Variants in FLI1 observed in about 807,000 individuals in gnomAD.
FLI1 encodes Friend leukemia integration 1 transcription factor.
A neutral mutation model predicts 53.1 loss-of-function variants in FLI1; 13 were observed. The observed-to-expected ratio is 0.24, with a 90% CI of 0.16 to 0.39. The LOEUF is 0.39. Ranked by LOEUF, FLI1 falls within the 10% of genes least tolerant of loss-of-function variation. The probability of loss-of-function intolerance (pLI) is 1.00; values close to 1 mark genes in which losing one functional copy is unlikely to be tolerated. For missense variants in FLI1, 424 were observed against 600.5 expected (o/e 0.71, Z 3.07); for synonymous variants, 244 against 236.7 (o/e 1.03, Z -0.28).
chr11:128,783,229 C>T (rs1941977929), intron 5 of FLI1, among the ~76,000 whole-genome samples: 1 of 152,186 alleles, frequency 6.6e-6, no homozygotes, highest in South Asian at 2.1e-4. Flanking sequence ...AAGGGAAGGA[C>T]CATTTGGCTT....
chr11:128,753,880 A>G lies in FLI1; in HGVS notation c.19-4235A>G, dbSNP rs533359612. Among the ~76,000 whole-genome samples, 10 of 151,906 alleles carry G rather than the reference A, an allele frequency of 6.6e-5. No homozygotes were observed. In the South Asian group the frequency reaches 2.1e-3, roughly 32 times the overall value. ...AGTGGCATCATAAAAATGACAGTGT[A>G]CTTGCCAAGGGCATGGTCTTGGGGT... is the stretch of plus-strand genomic sequence containing the variant. On this transcript the variant is annotated intron_variant, in intron 1 of 8. Coordinates refer to ENST00000527786, the MANE Select transcript of FLI1 (RefSeq NM_002017.5).
chr11:128,791,221 G>C (rs750669856), intron 5 of FLI1, among the ~76,000 whole-genome samples: 2 of 152,112 alleles, frequency 1.3e-5, no homozygotes, highest in Non-Finnish European at 2.9e-5. Context: ...TGCCCATTTA[G>C]GTTCTGACCC....
chr11:128,791,394 C>T (rs1458856711), intron 5 of FLI1, among the ~76,000 whole-genome samples: 2 of 152,146 alleles, frequency 1.3e-5, no homozygotes, highest in Non-Finnish European at 2.9e-5. Flanking sequence ...CCTTTAGGGC[C>T]GTGGTCAGAT....
intron 5 of FLI1, among the ~76,000 whole-genome samples, chr11:128,800,754 A>G (rs1351563279): frequency 1.3e-5 from 2 of 152,218 alleles, no homozygotes; most frequent in East Asian, 1.9e-4. Flanking sequence ...AGGACATCAT[A>G]TATGTGAGGC....
At chr11:128,734,224 G>C (rs953769386) in intron 1 of FLI1, among the ~76,000 whole-genome samples, 1 of 152,226 alleles carries the variant, frequency 6.6e-6, no homozygotes, top group Non-Finnish European at 1.5e-5. Flanking sequence ...ATATTAAACA[G>C]CCCTGCTTTG....
chr11:128,805,783 C>T (rs1032048003), intron 6 of FLI1: 2 of 205,378 alleles, frequency 9.7e-6, no homozygotes, highest in African/African-American at 4.7e-5. Flanking sequence ...GCTCCCGTAA[C>T]TGTTGAGGCT....
intron 1 of FLI1, among the ~76,000 whole-genome samples, chr11:128,714,063 A>G (rs940885706): frequency 7.9e-5 from 12 of 152,330 alleles, no homozygotes; most frequent in Admixed American, 2.0e-4. Context: ...TAGAGTACAT[A>G]TCTATAGGTT....
chr11:128,750,674 C>T (rs777443283), intron 1 of FLI1, among the ~76,000 whole-genome samples: 8 of 152,148 alleles, frequency 5.3e-5, no homozygotes, highest in African/African-American at 1.2e-4. Context: ...TCGTTCATAT[C>T]GGCCAGGCCA....
At chr11:128,703,232 T>G (rs1352043100) in intron 1 of FLI1, among the ~76,000 whole-genome samples, 1 of 152,240 alleles carries the variant, frequency 6.6e-6, no homozygotes, top group Non-Finnish European at 1.5e-5. Flanking sequence ...ATCCTCTTGG[T>G]AGGAGTATGA....
chr11:128,789,645 C>T (rs57966965), intron 5 of FLI1, among the ~76,000 whole-genome samples: 3,518 of 152,260 alleles, frequency 0.023, 51 homozygotes, highest in Middle Eastern at 0.068. Context: ...CAGGCTGATG[C>T]GCTCCCGGGT....
chr11:128,747,025 G>A (rs1427601139), intron 1 of FLI1, among the ~76,000 whole-genome samples: 2 of 152,184 alleles, frequency 1.3e-5, no homozygotes, highest in Non-Finnish European at 2.9e-5. Context: ...TCTGCAGGAA[G>A]AGGCTGCTCC....
chr11:128,739,522 C>T (rs1181502301), intron 1 of FLI1, among the ~76,000 whole-genome samples: 1 of 152,080 alleles, frequency 6.6e-6, no homozygotes, highest in Non-Finnish European at 1.5e-5. Flanking sequence ...CCCAGCTCAC[C>T]TTCCCTACCT....
rs191473964 is a variant in FLI1 at position 128,695,248 on chromosome 11, G to A, written c.18+972G>A. Among the ~76,000 whole-genome samples, 460 of 152,392 alleles carry A rather than the reference G, an allele frequency of 3.0e-3. 1 individual carries two copies. Among genetic ancestry groups the A allele is most frequent in the African/African-American group, 0.01 (429 of 41,596 alleles). Reference sequence around the variant, plus strand: ...TGGGTTCGCGTCTCACTTCAGAAAAGTTGACTGCTGTCTCTGAAAGGGTTC... The same window carrying A: ...TGGGTTCGCGTCTCACTTCAGAAAAATTGACTGCTGTCTCTGAAAGGGTTC... On this transcript the variant is annotated intron_variant, in intron 1 of 8. Coordinates refer to ENST00000527786, the MANE Select transcript of FLI1 (RefSeq NM_002017.5).
At chr11:128,805,613 A>T in intron 6 of FLI1, 182 bp downstream of exon 6, 2 of 538,108 alleles carry the variant, frequency 3.7e-6, no homozygotes, top group East Asian at 6.2e-5. Flanking sequence ...ATGATATGGG[A>T]TTTTCGTTTA....
chr11:128,714,272 C>A (rs928823300), intron 1 of FLI1, among the ~76,000 whole-genome samples: 11 of 151,372 alleles, frequency 7.3e-5, no homozygotes, highest in Admixed American at 1.3e-4. Flanking sequence ...CGCTGGCTGG[C>A]GCCGACATAA....
At chr11:128,697,142 T>G (rs1938115309) in intron 1 of FLI1, among the ~76,000 whole-genome samples, 1 of 152,212 alleles carries the variant, frequency 6.6e-6, no homozygotes, top group South Asian at 2.1e-4. Flanking sequence ...CACACTGATA[T>G]TATCAGTGTT....
intron 1 of FLI1, among the ~76,000 whole-genome samples, chr11:128,701,972 A>G (rs1447069767): frequency 6.6e-6 from 1 of 152,220 alleles, no homozygotes. Flanking sequence ...AGAGTGAGCA[A>G]TTCTGCAGTA....
chr11:128,777,418 G>A (rs1462895627), intron 4 of FLI1, among the ~76,000 whole-genome samples: 2 of 152,156 alleles, frequency 1.3e-5, no homozygotes, highest in Admixed American at 6.6e-5. Context: ...GGGAGACCAC[G>A]GAAAGGGTGT....
intron 1 of FLI1, among the ~76,000 whole-genome samples, chr11:128,711,561 T>C (rs1195348754): frequency 6.6e-6 from 1 of 152,274 alleles, no homozygotes; most frequent in East Asian, 1.9e-4. Context: ...TCACGAATCA[T>C]GATCGAATGT....
Sources: gnomAD v4.1 joint callset for allele counts (sites outside exome capture counted in the v4.1 genomes callset) on GRCh38, gnomAD v4.1.1 for gene constraint, MANE v1.5 for transcripts, NCBI Gene and HGNC (gene_info 2026-07-23, HGNC 2026-07-21) for gene names.